Variants in GIT2 observed in about 807,000 individuals in gnomAD.
GIT2 encodes ARF GTPase-activating protein GIT2.
GIT2 carries 32 observed loss-of-function variants against 100.3 expected under a neutral mutation model. The ratio of observed to expected loss-of-function variants is 0.32; its 90% confidence interval spans 0.24 to 0.43. The LOEUF (loss-of-function observed/expected upper bound fraction) is 0.43. GIT2 is among the 20% of genes least tolerant of loss of function. GIT2 has a pLI of 1.00. For synonymous variants in GIT2, 353 were observed against 364.1 expected (o/e 0.97, Z 0.35); for missense variants, 737 against 975.1 (o/e 0.76, Z 3.25).
chr12:109,945,756 CTAATTTTTTCTAAAAT>C (rs1028157679), intron 15 of GIT2, among the ~76,000 whole-genome samples: 1 of 152,124 alleles, frequency 6.6e-6, no homozygotes, highest in Non-Finnish European at 1.5e-5. Context: ...TCTTTATATT[CTAATTTTTTCTAAAAT>C]AAGAAAGTAC....
chr12:109,957,805 T>C (rs113752004), intron 12 of GIT2, among the ~76,000 whole-genome samples: 4 of 152,308 alleles, frequency 2.6e-5, no homozygotes, highest in African/African-American at 9.6e-5. Flanking sequence ...GACTAATTGT[T>C]CCTCTTTATT....
chr12:109,965,760 C>T (rs749978254), intron 8 of GIT2, 183 bp from the exon 9 acceptor site: 5 of 740,040 alleles, frequency 6.8e-6, no homozygotes, highest in Non-Finnish European at 1.2e-5. Flanking sequence ...GTGAAAGTAA[C>T]TCCTTCTGAA....
At chr12:109,978,964 C>G (rs1885707130) in intron 7 of GIT2, among the ~76,000 whole-genome samples, 1 of 152,326 alleles carries the variant, frequency 6.6e-6, no homozygotes, top group South Asian at 2.1e-4. Flanking sequence ...CTTCTTTAAA[C>G]TTTATGCAAA....
At chr12:109,973,244 G>A (rs1172150325) in intron 7 of GIT2, among the ~76,000 whole-genome samples, 2 of 152,022 alleles carry the variant, frequency 1.3e-5, no homozygotes, top group African/African-American at 2.4e-5. Flanking sequence ...AGGTTTAAGC[G>A]ATTTTCCTGC....
At chr12:109,978,362 T>C (rs929888337) in intron 7 of GIT2, among the ~76,000 whole-genome samples, 19 of 152,152 alleles carry the variant, frequency 1.2e-4, no homozygotes, top group African/African-American at 4.3e-4. Flanking sequence ...GGATTACAGG[T>C]GTGAGCCATT....
chr12:109,980,865 A>G (rs1217765820), intron 7 of GIT2, 87 bp downstream of exon 7: 2 of 799,710 alleles, frequency 2.5e-6, no homozygotes, highest in African/African-American at 3.4e-5. Flanking sequence ...GTTACAGCAG[A>G]GGAGGTAATA....
intron 4 of GIT2, among the ~76,000 whole-genome samples, chr12:109,985,439 G>A (rs903325981): frequency 1.3e-5 from 2 of 152,208 alleles, no homozygotes; most frequent in African/African-American, 2.4e-5. Flanking sequence ...AAAAAGGCCA[G>A]ATGTGGTGGC....
chr12:109,981,478 A>G (rs147918930), intron 6 of GIT2: 1 of 167,698 alleles, frequency 6.0e-6, no homozygotes, highest in Non-Finnish European at 1.3e-5. Flanking sequence ...AGGGGCCAAT[A>G]TGTTGAAGAA....
In GIT2 at chr12:109,991,675, G is replaced by A; in HGVS notation, c.138C>T (p.Ser46=). The A allele has an allele frequency of 6.2e-7, 1 of 1,613,054 alleles. No homozygotes were observed. Among genetic ancestry groups the A allele is most frequent in the South Asian group, 1.1e-5 (1 of 91,054 alleles). ...GTGTGTGTTTCAGATGCCTCACTTG[G>A]GAGATATGGCGCCCTAGACTCCGAT... ...SVHRSLGRHI[S]QVRHLKHTPW... Residue 46 remains serine (S), a synonymous_variant, in exon 2 of 20, where the codon TCC becomes TCT. Transcript: ENST00000355312.
At chr12:109,935,955 A>G (rs893710172) in intron 18 of GIT2, among the ~76,000 whole-genome samples, 3 of 152,190 alleles carry the variant, frequency 2.0e-5, no homozygotes, top group African/African-American at 4.8e-5. Context: ...TTCGTGCATA[A>G]TATGTCATAA....
intron 7 of GIT2, among the ~76,000 whole-genome samples, chr12:109,973,838 T>TACCC (rs763870324): frequency 1.3e-5 from 2 of 151,814 alleles, no homozygotes; most frequent in Admixed American, 6.6e-5. Context: ...GGTGGGGAGT[T>TACCC]AGAGACCAGC....
rs1213871208 is a variant in GIT2, at chr12:109,934,364, C to T, written c.2004-279G>A. Among the ~76,000 whole-genome samples the T allele has an allele frequency of 3.9e-5, 6 of 152,196 alleles. No individual in the cohort carries two copies. The highest frequency in any genetic ancestry group is 8.8e-5 in the Non-Finnish European group (6 of 68,040). On this transcript the variant is annotated intron_variant, in intron 18 of 19. Coordinates refer to ENST00000355312, the MANE Select transcript of GIT2 (RefSeq NM_057169.5). This position sits in a 1 kb window ranked among gnomAD's most constrained non-coding sequence, Gnocchi z 4.5. The stretch of plus-strand genomic sequence containing the variant: ...CACAACAGTACAGAAACATAATTCA[C>T]CCCTCCTCACGTCAGTCATTTACTT...
Position 109,947,355 on chromosome 12 carries a change from G to A in GIT2, c.1542C>T (p.Ser514=). 2 of 1,614,036 alleles carry A rather than the reference G, an allele frequency of 1.2e-6. No homozygotes were observed. The highest frequency in any genetic ancestry group is 1.6e-4 in the Middle Eastern group (1 of 6,062). ...TCTGACCTGATCCGGTCTCGTACAT[G>A]GACATGGGCCTACTGCCCCGGGCAG... ...RPSARGSRPM[S]MYETGSGQKP... is the part of the protein sequence containing the mutation. Residue 514 remains serine (S), a synonymous_variant, in exon 15 of 20, where the codon TCC becomes TCT. Transcript: ENST00000355312. The surrounding 1 kb of genome is among the most constrained non-coding windows in gnomAD (Gnocchi z 4.3).
At chr12:109,952,565 C>A (rs562472248) in intron 13 of GIT2, 1 of 519,178 alleles carries the variant, frequency 1.9e-6, no homozygotes, top group Non-Finnish European at 3.8e-6. Context: ...CTATGCATGA[C>A]CAGCTTCCCC....
Position 109,931,420 on chromosome 12 carries a change from A to T in GIT2, c.*1558T>A, listed in dbSNP as rs1356657740. ...GGGCTGTGAGCTGGCAGCCTAGAGGACACAGCTCACCTGCACATGGTCTCT... is the reference window on the plus strand; with the variant it reads ...GGGCTGTGAGCTGGCAGCCTAGAGGTCACAGCTCACCTGCACATGGTCTCT... On this transcript the variant is annotated 3_prime_UTR_variant, in exon 20 of 20. Coordinates refer to ENST00000355312, the MANE Select transcript of GIT2 (RefSeq NM_057169.5). 1.3e-5 allele frequency: 2 copies of T among 152,232 alleles called. No homozygotes were observed. Among genetic ancestry groups the T allele is most frequent in the African/African-American group, 4.8e-5 (2 of 41,462 alleles). 9.4% of individuals were successfully genotyped at this position (152,232 alleles called of 1,614,324 possible).
In GIT2 at chr12:109,947,262, G is replaced by C. The variant is rs200426565; in HGVS notation, c.1635C>G (p.Pro545=). 6.2e-7 allele frequency: 1 copy of C among 1,612,606 alleles called. No individual in the cohort carries two copies. Among genetic ancestry groups the C allele is most frequent in the African/African-American group, 1.3e-5 (1 of 74,882 alleles). Residue 545 remains proline (P), a synonymous_variant, in exon 15 of 20, where the codon CCC becomes CCG. Coordinates refer to ENST00000355312, the MANE Select transcript of GIT2 (RefSeq NM_057169.5). The surrounding 1 kb of genome is among the most constrained non-coding windows in gnomAD (Gnocchi z 4.3). The part of the protein sequence containing the change: ...EESRMRLQPF[P]AHIGRSALVT... ...CGCCAGTGGTGTTACTTACGTGCGC[G>C]GGGAAGGGCTGGAGTCTCATCCTGC...
chr12:109,998,941 T>C (rs1165522291), upstream of GIT2: 1 of 152,214 alleles, frequency 6.6e-6, no homozygotes, highest in African/African-American at 2.4e-5. Context: ...AATCATGAAG[T>C]AGAAATATCC....
At chr12:109,999,875 T>C, upstream of GIT2, 1 of 1,172,068 alleles carries the variant, frequency 8.5e-7, no homozygotes, top group South Asian at 1.6e-5. This position sits in a 1 kb window ranked among gnomAD's most constrained non-coding sequence, Gnocchi z 4.3. Flanking sequence ...CAGCCCTCTG[T>C]CCCCGGGATC....
At chr12:109,966,508 C>CAAAAAA (rs749586402) in intron 8 of GIT2, among the ~76,000 whole-genome samples, 14 of 70,076 alleles carry the variant, frequency 2.0e-4, no homozygotes, top group East Asian at 5.1e-4. Context: ...GACTCTGTCT[C>CAAAAAA]AAAAAAAAAA....
Sources: allele counts gnomAD v4.1 joint callset (sites outside exome capture counted in the v4.1 genomes callset), GRCh38; gene constraint gnomAD v4.1.1; non-coding constraint Gnocchi (gnomAD v3.1); transcripts MANE v1.5; gene names NCBI Gene and HGNC (gene_info 2026-07-23, HGNC 2026-07-21).